HDAC4: variants seen among roughly 807,000 people sequenced by gnomAD.
The protein encoded by HDAC4 is histone deacetylase A.
A neutral mutation model predicts 135.1 loss-of-function variants in HDAC4; 16 were observed. The ratio of observed to expected loss-of-function variants is 0.12; its 90% CI spans 0.08 to 0.18. The LOEUF is 0.18. HDAC4 is among the 10% of genes least tolerant of loss of function. The pLI is 1.00. For missense variants in HDAC4, 1,143 were observed against 1,511.8 expected, an observed-to-expected ratio of 0.76 and a Z score of 4.05; for synonymous variants, 685 against 653.4, an observed-to-expected ratio of 1.05 and a Z score of -0.74.
Position 239,390,713 on chromosome 2 carries a change from C to T in HDAC4, c.-220+10265G>A, listed in dbSNP as rs115778350. Among the ~76,000 whole-genome samples the T allele has an allele frequency of 3.5e-3, 528 of 152,236 alleles. 2 individuals are homozygous for T. Among genetic ancestry groups the T allele is most frequent in the African/African-American group, 7.9e-3 (330 of 41,544 alleles). ...CCCTGTCCTTCACTGCCCTCCAGAG[C>T]GGCACTACCCCTCACTTTGCTACCA... On this transcript the variant is annotated intron_variant, in intron 1 of 26. Coordinates refer to ENST00000543185, the MANE Select transcript of HDAC4 (RefSeq NM_001378414.1).
At chr2:239,298,863 A>AT (rs35449811) in intron 2 of HDAC4, among the ~76,000 whole-genome samples, 22,285 of 83,024 alleles carry the variant, frequency 0.27, 4,718 homozygotes, top group African/African-American at 0.31. Context: ...GCCATAGCCT[A>AT]TTTTTTTTTT....
At chr2:239,229,203 G>A (rs1224661360) in intron 3 of HDAC4, among the ~76,000 whole-genome samples, 2 of 152,114 alleles carry the variant, frequency 1.3e-5, no homozygotes, top group African/African-American at 2.4e-5. Flanking sequence ...GGGCCAATTC[G>A]CCTAATTGCC....
At chr2:239,296,207 G>GCGCA (rs372455164) in intron 2 of HDAC4, among the ~76,000 whole-genome samples, 3 of 152,058 alleles carry the variant, frequency 2.0e-5, no homozygotes, top group Non-Finnish European at 2.9e-5. Context: ...CACTCTCAAA[G>GCGCA]CACACACACA....
At chr2:239,346,318 C>T (rs541635754) in intron 2 of HDAC4, among the ~76,000 whole-genome samples, 32 of 151,780 alleles carry the variant, frequency 2.1e-4, no homozygotes, top group Admixed American at 6.5e-4. Context: ...CTAACACACA[C>T]GCATACAGAC....
chr2:239,316,733 G>A (rs1030946971), intron 2 of HDAC4, among the ~76,000 whole-genome samples: 12 of 152,244 alleles, frequency 7.9e-5, no homozygotes, highest in Non-Finnish European at 1.3e-4. Flanking sequence ...CATTCTTTCC[G>A]TGCAAGAAAG....
intron 19 of HDAC4, among the ~76,000 whole-genome samples, chr2:239,086,557 C>T (rs1045711106): frequency 1.6e-4 from 24 of 152,124 alleles, no homozygotes; most frequent in African/African-American, 5.8e-4. Context: ...CCTCCCTGTA[C>T]GTGAAGGAGA....
chr2:239,251,147 TC>T (rs1422144509), intron 2 of HDAC4, among the ~76,000 whole-genome samples: 1 of 152,244 alleles, frequency 6.6e-6, no homozygotes, highest in African/African-American at 2.4e-5. Flanking sequence ...CGTTTTACTC[TC>T]CTTAATTTTG....
rs1692973668 is a variant in HDAC4 at position 239,349,582 on chromosome 2, G to A, written c.22+3096C>T. 1.3e-5 allele frequency among the ~76,000 whole-genome samples: 2 copies of A among 152,250 alleles called. No individual in the cohort carries two copies. The highest frequency in any genetic ancestry group is 2.1e-4 in the South Asian group (1 of 4,828). ...GAAGGCACACAAGCGAGTGGGCCTC[G>A]CCCAGGAGGGAGGGCACGGTTCTGG... On this transcript the variant is annotated intron_variant, in intron 2 of 26. Coordinates refer to ENST00000543185, the MANE Select transcript of HDAC4 (RefSeq NM_001378414.1). This position sits in a 1 kb window ranked among gnomAD's most constrained non-coding sequence, Gnocchi z 5.7.
chr2:239,267,989 C>T (rs1386679289), intron 2 of HDAC4, among the ~76,000 whole-genome samples: 1 of 152,260 alleles, frequency 6.6e-6, no homozygotes, highest in Non-Finnish European at 1.5e-5. Context: ...CACCAAGCTA[C>T]AGGCTATACT....
intron 2 of HDAC4, among the ~76,000 whole-genome samples, chr2:239,283,691 T>C (rs941161371): frequency 3.3e-5 from 5 of 152,188 alleles, no homozygotes; most frequent in Non-Finnish European, 5.9e-5. Context: ...ACGGCTGTGT[T>C]TGGCAACCCA....
intron 3 of HDAC4, among the ~76,000 whole-genome samples, chr2:239,230,100 A>G: frequency 6.6e-6 from 1 of 152,104 alleles, no homozygotes; most frequent in Middle Eastern, 3.4e-3. Flanking sequence ...ATCAGTCGTG[A>G]GATCGCTGTT....
intron 1 of HDAC4, among the ~76,000 whole-genome samples, chr2:239,374,216 A>G (rs180851587): frequency 6.6e-6 from 1 of 152,274 alleles, no homozygotes; most frequent in East Asian, 1.9e-4. Context: ...GGGAGATCAC[A>G]TTGAGTAAAT....
chr2:239,204,943 G>T (rs2045956806), intron 3 of HDAC4, among the ~76,000 whole-genome samples: 1 of 152,196 alleles, frequency 6.6e-6, no homozygotes, highest in Non-Finnish European at 1.5e-5. Flanking sequence ...CAATGTCACA[G>T]GGAAGGTGTC....
At chr2:239,178,568 G>A (rs1017412870) in intron 4 of HDAC4, among the ~76,000 whole-genome samples, 4 of 152,092 alleles carry the variant, frequency 2.6e-5, no homozygotes, top group South Asian at 2.1e-4. Context: ...CTTTTTTGAT[G>A]AAACAAGATC....
chr2:239,200,167 C>T lies in HDAC4; in HGVS notation c.95-10090G>A, dbSNP rs534360018. Among the ~76,000 whole-genome samples, 29 of 152,292 alleles carry T rather than the reference C, an allele frequency of 1.9e-4. No individual in the cohort carries two copies. In the East Asian group the frequency reaches 4.1e-3, roughly 21 times the overall value. ...CTTACGAACTATCGATCTTTACTGG[C>T]GTTTTTGTGAATTTCCTGAGGGACG... On this transcript the variant is annotated intron_variant, in intron 3 of 26. Coordinates refer to ENST00000543185, the MANE Select transcript of HDAC4 (RefSeq NM_001378414.1).
rs1018231646 is a variant in HDAC4 at position 239,084,058 on chromosome 2, C to T, written c.2532+97G>A. On this transcript the variant is annotated intron_variant, in intron 20 of 26. Transcript: ENST00000543185. The stretch of plus-strand genomic sequence containing the variant: ...CGTTTCCAGAAACCTAAGCTTCCCA[C>T]ATCCAAGAGCCCAGCTCCTCTGTCC... The T allele has an allele frequency of 1.3e-5, 11 of 844,690 alleles. No individual in the cohort carries two copies. The African/African-American group carries it at 1.3e-4, about 10-fold the overall frequency. 52.3% of individuals were successfully genotyped at this position (844,690 alleles called of 1,614,324 possible). A position where few individuals can be genotyped will look rare whatever the true frequency, so the allele number is the denominator to read the frequency against.
Position 239,082,116 on chromosome 2 carries a change from C to T in HDAC4, c.2638G>A (p.Gly880Arg). The change falls in exon 21 of 27, where the codon GGG becomes AGG. Residue 880 changes from glycine to arginine, a missense_variant. Gly to Arg is a moderately radical substitution (Grantham distance 125). Around this residue, in one of 9 missense-constraint regions of HDAC4, gnomAD observed 189 missense variants for 317.6 expected, o/e 0.60. Transcript: ENST00000543185. ...YDDGNFFPGSGAPDEVGTGPG... is the reference protein window; with the variant it reads ...YDDGNFFPGSRAPDEVGTGPG... ...ACCCCACCTACCTCATCAGGAGCCC[C>T]GCTGCCTGGGAAGAAGTTCCCATCG... 1 of 1,614,186 alleles carries T rather than the reference C, an allele frequency of 6.2e-7. No homozygotes were observed. Among genetic ancestry groups the T allele is most frequent in the Non-Finnish European group, 8.5e-7 (1 of 1,180,044 alleles).
rs1258790636 is a variant in HDAC4, at chr2:239,306,329, G to C, written c.22+46349C>G. ...CCACAGGTGGGTGAGCTCCCACCCA[G>C]GTCCAGCAAGTCAGTGACTACAACA... On this transcript the variant is annotated intron_variant, in intron 2 of 26. Coordinates refer to ENST00000543185, the MANE Select transcript of HDAC4 (RefSeq NM_001378414.1). This position sits in a 1 kb window ranked among gnomAD's most constrained non-coding sequence, Gnocchi z 4.5. Among the ~76,000 whole-genome samples, 2 of 152,144 alleles carry C rather than the reference G, an allele frequency of 1.3e-5. No individual in the cohort carries two copies. The highest frequency in any genetic ancestry group is 4.8e-5 in the African/African-American group (2 of 41,434).
intron 17 of HDAC4, 90 bp downstream of exon 17, chr2:239,094,920 T>C: frequency 6.2e-7 from 1 of 1,608,234 alleles, no homozygotes. Flanking sequence ...CAGCAATTAT[T>C]CACTTTGAGG....
Sources: allele counts gnomAD v4.1 joint callset (sites outside exome capture counted in the v4.1 genomes callset), GRCh38; gene constraint gnomAD v4.1.1; regional missense constraint gnomAD v4.1.1; non-coding constraint Gnocchi (gnomAD v3.1); transcripts MANE v1.5; gene names NCBI Gene and HGNC (gene_info 2026-07-23, HGNC 2026-07-21).